The following NLGN1 variants were observed in gnomAD, a reference collection of about 807,000 sequenced individuals.
The protein encoded by NLGN1 is neuroligin 1, also known as neuroligin-1.
NLGN1 carries 12 observed loss-of-function variants against 65.5 expected under a neutral mutation model. The observed-to-expected ratio is 0.18, with a 90% CI of 0.12 to 0.30. The LOEUF is 0.30. Ranked by LOEUF, NLGN1 falls within the 10% of genes least tolerant of loss-of-function variation. NLGN1 has a pLI of 1.00. For missense variants in NLGN1, 750 were observed against 1,007.1 expected, an observed-to-expected ratio of 0.74 and a Z score of 3.46; for synonymous variants, 350 against 359.5, an observed-to-expected ratio of 0.97 and a Z score of 0.30.
At chr3:174,107,778 C>A (rs867108526) in intron 4 of NLGN1, among the ~76,000 whole-genome samples, 3 of 152,246 alleles carry the variant, frequency 2.0e-5, no homozygotes, top group Middle Eastern at 3.4e-3. Context: ...GATCTGATTT[C>A]TCTGCATCTC....
intron 2 of NLGN1, among the ~76,000 whole-genome samples, chr3:173,453,182 C>G (rs1259555064): frequency 1.3e-5 from 2 of 151,362 alleles, no homozygotes; most frequent in East Asian, 3.9e-4. Context: ...TCACTGCAGT[C>G]TCCACTTGCC....
chr3:173,805,542 G>A (rs1020002131), intron 3 of NLGN1, among the ~76,000 whole-genome samples: 2 of 152,072 alleles, frequency 1.3e-5, no homozygotes, highest in African/African-American at 2.4e-5. Context: ...AATATAAAAC[G>A]TGGCAGGTCT....
intron 3 of NLGN1, among the ~76,000 whole-genome samples, chr3:173,639,877 T>C (rs1453141330): frequency 6.6e-6 from 1 of 152,138 alleles, no homozygotes; most frequent in Non-Finnish European, 1.5e-5. Context: ...TTCTTTCTTC[T>C]CTTTTTTCCT....
intron 4 of NLGN1, among the ~76,000 whole-genome samples, chr3:174,027,237 A>T (rs1189213541): frequency 6.6e-6 from 1 of 152,180 alleles, no homozygotes; most frequent in Non-Finnish European, 1.5e-5. Flanking sequence ...AAGTTCTATC[A>T]TCCTGGCAAA....
At chr3:173,542,973 T>G (rs533015035) in intron 2 of NLGN1, among the ~76,000 whole-genome samples, 2 of 152,106 alleles carry the variant, frequency 1.3e-5, no homozygotes, top group African/African-American at 2.4e-5. Flanking sequence ...CCAGGTTCCA[T>G]GTCTTCAACT....
chr3:174,165,669 T>C (rs1214444246), intron 4 of NLGN1, among the ~76,000 whole-genome samples: 1 of 152,082 alleles, frequency 6.6e-6, no homozygotes, highest in Admixed American at 6.6e-5. Flanking sequence ...CTTTTTCCAC[T>C]GTGTCTTTGC....
At chr3:173,771,008 C>T (rs16830320) in intron 3 of NLGN1, among the ~76,000 whole-genome samples, 13,059 of 152,148 alleles carry the variant, frequency 0.086, 995 homozygotes, top group African/African-American at 0.2. Flanking sequence ...CAGCTGGCAG[C>T]GTTCTTTCAC....
intron 3 of NLGN1, among the ~76,000 whole-genome samples, chr3:173,731,004 C>T (rs1453187396): frequency 1.3e-5 from 2 of 152,060 alleles, no homozygotes; most frequent in African/African-American, 2.4e-5. Flanking sequence ...ATCCCTTGGC[C>T]ATCACCAAGG....
chr3:174,088,813 G>A (rs375617136), intron 4 of NLGN1, among the ~76,000 whole-genome samples: 2 of 147,188 alleles, frequency 1.4e-5, no homozygotes, highest in Non-Finnish European at 3.0e-5. Context: ...AATAAAACTA[G>A]ATTATTTTTT....
At chr3:173,455,926 G>A (rs1006208494) in intron 2 of NLGN1, among the ~76,000 whole-genome samples, 14 of 152,094 alleles carry the variant, frequency 9.2e-5, no homozygotes, top group Non-Finnish European at 1.9e-4. Context: ...CAGTACAGGT[G>A]GGAGGGTGGA....
intron 4 of NLGN1, among the ~76,000 whole-genome samples, chr3:173,847,202 C>T (rs552684729): frequency 5.9e-5 from 9 of 152,102 alleles, no homozygotes; most frequent in African/African-American, 1.9e-4. Flanking sequence ...TATATTCTTG[C>T]CTTAAAAAAA....
chr3:173,448,985 C>A (rs192420379), intron 2 of NLGN1, among the ~76,000 whole-genome samples: 4,262 of 152,104 alleles, frequency 0.028, 213 homozygotes, highest in African/African-American at 0.095. Flanking sequence ...AGCGGTCTAT[C>A]AATTTTGTTG....
chr3:173,941,307 C>G (rs9829965), intron 4 of NLGN1, among the ~76,000 whole-genome samples: 3 of 151,412 alleles, frequency 2.0e-5, no homozygotes, highest in Non-Finnish European at 4.4e-5. Context: ...GTGACAAACA[C>G]AAAGGAAATT....
intron 4 of NLGN1, among the ~76,000 whole-genome samples, chr3:174,123,757 C>G (rs7640504): frequency 0.13 from 20,211 of 152,052 alleles, 1,546 homozygotes; most frequent in African/African-American, 0.2. Context: ...TGCTTTAAAG[C>G]TCAAGAATCT....
At chr3:173,822,715 T>C (rs1271676073) in intron 4 of NLGN1, among the ~76,000 whole-genome samples, 1 of 152,072 alleles carries the variant, frequency 6.6e-6, no homozygotes. Context: ...ATCAATGGGT[T>C]TGAATAAAAA....
At chr3:173,476,273 T>G (rs1726185796) in intron 2 of NLGN1, among the ~76,000 whole-genome samples, 1 of 152,208 alleles carries the variant, frequency 6.6e-6, no homozygotes, top group Non-Finnish European at 1.5e-5. Flanking sequence ...TAGCAAAAAG[T>G]CAAAATTTTA....
intron 3 of NLGN1, among the ~76,000 whole-genome samples, chr3:173,635,269 A>G (rs1756398036): frequency 6.6e-6 from 1 of 152,076 alleles, no homozygotes; most frequent in African/African-American, 2.4e-5. Context: ...TGACTCAGAG[A>G]TATTAAGTAA....
At chr3:174,139,916 C>G (rs1031089945) in intron 4 of NLGN1, among the ~76,000 whole-genome samples, 1 of 152,042 alleles carries the variant, frequency 6.6e-6, no homozygotes, top group African/African-American at 2.4e-5. Context: ...CTATTTAAGT[C>G]TTTTGTTCAT....
chr3:173,823,584 C>T (rs986701216), intron 4 of NLGN1, among the ~76,000 whole-genome samples: 2 of 151,834 alleles, frequency 1.3e-5, no homozygotes, highest in African/African-American at 4.8e-5. Flanking sequence ...CACTGTTTGG[C>T]GCTGCTTCAT....
Sources: gnomAD v4.1 joint callset for allele counts (sites outside exome capture counted in the v4.1 genomes callset) on GRCh38, gnomAD v4.1.1 for gene constraint, MANE v1.5 for transcripts, NCBI Gene and HGNC (gene_info 2026-07-23, HGNC 2026-07-21) for gene names.